The following ESF1 variants were observed in gnomAD, a reference collection of about 807,000 sequenced individuals.
The protein encoded by ESF1 is ESF1 nucleolar pre-rRNA processing protein, also known as ESF1 homolog.
Under a neutral mutation model 92.0 loss-of-function variants are expected in ESF1, and 58 were observed. The observed-to-expected ratio is 0.63, with a 90% confidence interval of 0.51 to 0.78. The LOEUF is 0.78. ESF1 is among the 30% of genes least tolerant of loss of function. The pLI is 0.00. For missense variants in ESF1, 922 were observed against 989.1 expected (o/e 0.93, Z 0.91); for synonymous variants, 321 against 313.7 (o/e 1.02, Z -0.24).
Position 13,715,019 on chromosome 20 carries a change from AG to A in ESF1, c.2410del (p.Thr805LeufsTer4). The part of the protein sequence containing the change: ...ARQRERKEQE[L>X]TQAIKKKESE... ...CTCTTTTTTCTTTATTGCCTGAGTAAGTTCTTGTTCTTTCCGTTCTCTTTGC... is the reference window on the plus strand; with the variant it reads ...CTCTTTTTTCTTTATTGCCTGAGTAATTCTTGTTCTTTCCGTTCTCTTTGC... On this transcript the variant is annotated frameshift_variant, in exon 14 of 14. Coordinates refer to ENST00000617257, the MANE Select transcript of ESF1 (RefSeq NM_001276380.2). LOFTEE classifies it high-confidence loss of function. 3 of 1,613,904 alleles carry A rather than the reference AG, an allele frequency of 1.9e-6. No individual in the cohort carries two copies. The highest frequency in any genetic ancestry group is 2.5e-6 in the Non-Finnish European group (3 of 1,179,978).
intron 10 of ESF1, among the ~76,000 whole-genome samples, chr20:13,730,393 T>G (rs943694954): frequency 1.3e-5 from 2 of 151,068 alleles, no homozygotes; most frequent in African/African-American, 2.4e-5. Flanking sequence ...TGCTTTTTTT[T>G]TTTTTTTTGA....
chr20:13,780,687 A>G (rs1980143787), intron 2 of ESF1, among the ~76,000 whole-genome samples: 1 of 152,228 alleles, frequency 6.6e-6, no homozygotes, highest in Non-Finnish European at 1.5e-5. Context: ...CTCTCGGCCT[A>G]TCAAGACCCC....
intron 11 of ESF1, among the ~76,000 whole-genome samples, chr20:13,726,224 A>G (rs953169092): frequency 1.3e-5 from 2 of 152,182 alleles, no homozygotes; most frequent in African/African-American, 4.8e-5. Flanking sequence ...TCTTTGCTTA[A>G]AGACTGTTTG....
At chr20:13,769,556 A>C (rs1281280050) in intron 7 of ESF1, among the ~76,000 whole-genome samples, 1 of 152,184 alleles carries the variant, frequency 6.6e-6, no homozygotes, top group African/African-American at 2.4e-5. Context: ...TGGGAAGCCA[A>C]GGCGGCCTCA....
chr20:13,756,721 T>C (rs931540621), intron 9 of ESF1, among the ~76,000 whole-genome samples: 3 of 151,934 alleles, frequency 2.0e-5, no homozygotes, highest in Non-Finnish European at 4.4e-5. Context: ...GTAGAGTTGC[T>C]GTGTGAGCAA....
chr20:13,740,729 A>G (rs1201762492), intron 9 of ESF1, among the ~76,000 whole-genome samples: 1 of 152,200 alleles, frequency 6.6e-6, no homozygotes, highest in Non-Finnish European at 1.5e-5. Flanking sequence ...ACTCTAGAAC[A>G]CCTAAAATAT....
intron 2 of ESF1, among the ~76,000 whole-genome samples, chr20:13,778,472 T>C (rs148733368): frequency 6.8e-6 from 1 of 148,100 alleles, no homozygotes; most frequent in Non-Finnish European, 1.5e-5. Flanking sequence ...CATTTTTTTA[T>C]TAAATTGAAT....
rs1429880484 is a variant in ESF1, at chr20:13,782,877, T to C, written c.264A>G (p.Ala88=). The C allele has an allele frequency of 8.1e-6, 13 of 1,612,874 alleles. No homozygotes were observed. The Admixed American group carries it at 2.0e-4, about 25-fold the overall frequency. Reference sequence around the variant, plus strand: ...TCTTCTTTATTTTCTTTTGACTCAATGCTTTGCTATCTTCACCAGAGAGAT... The same window carrying C: ...TCTTCTTTATTTTCTTTTGACTCAACGCTTTGCTATCTTCACCAGAGAGAT... The part of the protein sequence containing the change: ...DSNLSGEDSK[A]LSQKKIKKKK... Residue 88 remains alanine, a synonymous_variant, in exon 2 of 14, where the codon GCA becomes GCG. Coordinates refer to ENST00000617257, the MANE Select transcript of ESF1 (RefSeq NM_001276380.2).
chr20:13,718,616 TAGTA>T lies in ESF1; in HGVS notation c.2115+288_2115+291del, dbSNP rs573036538. Reference sequence around the variant, plus strand: ...TTAAGGGTATTTTCTGCCTCAGGTATAGTAAGTGTTTTTAAAAGTGAGATAATTC... The same window carrying T: ...TTAAGGGTATTTTCTGCCTCAGGTATAGTGTTTTTAAAAGTGAGATAATTC... On this transcript the variant is annotated intron_variant, in intron 12 of 13. Transcript: ENST00000617257. Among the ~76,000 whole-genome samples the T allele has an allele frequency of 8.7e-4, 132 of 152,230 alleles. 1 individual carries two copies. The highest frequency in any genetic ancestry group is 1.2e-3 in the Non-Finnish European group (82 of 68,036).
intron 10 of ESF1, among the ~76,000 whole-genome samples, chr20:13,732,411 T>C (rs887961983): frequency 3.9e-5 from 6 of 152,162 alleles, no homozygotes; most frequent in African/African-American, 1.4e-4. Context: ...CTGACTACAA[T>C]AGAAGTATAA....
At position 13,775,266 on chromosome 20, in the gene ESF1, G is replaced by A. The variant is rs753747553; in HGVS notation, c.1040C>T (p.Thr347Ile). The stretch of plus-strand genomic sequence containing the variant: ...CATGTTACAAACTGCTAATCGACGT[G>A]TAATCTGAGAAATGAGAAGAATTAA... Reference protein sequence around the residue: ...DKDAPRADEITRRLAVCNMDW... With the variant: ...DKDAPRADEIIRRLAVCNMDW... The change falls in exon 4 of 14, where the codon ACA becomes ATA. Residue 347 changes from threonine to isoleucine, a missense_variant. By Grantham distance (89) the Thr-to-Ile change is moderately conservative (BLOSUM62 -1). Coordinates refer to ENST00000617257, the MANE Select transcript of ESF1 (RefSeq NM_001276380.2). The A allele has an allele frequency of 6.4e-7, 1 of 1,574,242 alleles. No homozygotes were observed. The highest frequency in any genetic ancestry group is 1.4e-5 in the African/African-American group (1 of 73,510).
intron 13 of ESF1, among the ~76,000 whole-genome samples, chr20:13,716,846 C>G (rs1236793068): frequency 1.1e-5 from 1 of 88,572 alleles, no homozygotes; most frequent in South Asian, 4.5e-4. Context: ...TAGACAGAGT[C>G]TTGCTCTGTC....
At chr20:13,774,546 T>C (rs1420968598) in intron 4 of ESF1, among the ~76,000 whole-genome samples, 1 of 152,188 alleles carries the variant, frequency 6.6e-6, no homozygotes, top group Non-Finnish European at 1.5e-5. Context: ...CAATCACCAA[T>C]ACTATTGTTA....
Position 13,784,886 on chromosome 20 carries a change from C to T in ESF1, c.-50G>A. On this transcript the variant is annotated 5_prime_UTR_variant, in exon 1 of 14. Coordinates refer to ENST00000617257, the MANE Select transcript of ESF1 (RefSeq NM_001276380.2). ...CCAGTCCATCCCCACTCACCGTCCG[C>T]AGTCCTACCAAGCCTCACGTGGGGC... 1 of 614,170 alleles carries T rather than the reference C, an allele frequency of 1.6e-6. No homozygotes were observed. The highest frequency in any genetic ancestry group is 2.0e-5 in the South Asian group (1 of 51,050). 38.0% of individuals were successfully genotyped at this position (614,170 alleles called of 1,614,324 possible).
At chr20:13,777,122 T>C (rs561183554) in intron 2 of ESF1, among the ~76,000 whole-genome samples, 1 of 152,054 alleles carries the variant, frequency 6.6e-6, no homozygotes, top group African/African-American at 2.4e-5. Flanking sequence ...CTTGGGAAAG[T>C]AAAGAACAGA....
intron 11 of ESF1, among the ~76,000 whole-genome samples, chr20:13,722,672 A>C (rs896300117): frequency 6.7e-6 from 1 of 150,116 alleles, no homozygotes; most frequent in Non-Finnish European, 1.5e-5. Flanking sequence ...CAACAAAGCA[A>C]GACCCCAGCT....
intron 9 of ESF1, among the ~76,000 whole-genome samples, chr20:13,755,865 A>C (rs1301832201): frequency 6.6e-6 from 1 of 152,212 alleles, no homozygotes; most frequent in Non-Finnish European, 1.5e-5. Context: ...TAAATAGTCT[A>C]AACTAGAATT....
chr20:13,783,122 TTTC>T lies in ESF1; in HGVS notation c.16_18del (p.Glu6del), dbSNP rs766760458. ...CGTCTAAACCGCTGGTCACTCATTA[TTTC>T]TTGTTTGGATGACATTTTTAATTCT... On this transcript the variant is annotated inframe_deletion, in exon 2 of 14. Transcript: ENST00000617257. The T allele has an allele frequency of 6.3e-7, 1 of 1,598,564 alleles. No homozygotes were observed. The highest frequency in any genetic ancestry group is 8.6e-7 in the Non-Finnish European group (1 of 1,168,918).
At chr20:13,781,286 T>G (rs1407745819) in intron 2 of ESF1, among the ~76,000 whole-genome samples, 1 of 152,214 alleles carries the variant, frequency 6.6e-6, no homozygotes, top group African/African-American at 2.4e-5. Flanking sequence ...AGTATTAGTA[T>G]GAAATGAGTA....
Sources: gnomAD v4.1 joint callset for allele counts (sites outside exome capture counted in the v4.1 genomes callset) on GRCh38, gnomAD v4.1.1 for gene constraint, MANE v1.5 for transcripts, NCBI Gene and HGNC (gene_info 2026-07-23, HGNC 2026-07-21) for gene names.